PDE10A: variants seen among roughly 807,000 people sequenced by gnomAD.
PDE10A encodes the protein cAMP and cAMP-inhibited cGMP 3',5'-cyclic phosphodiesterase 10A.
Under a neutral mutation model 97.7 loss-of-function variants are expected in PDE10A, and 39 were observed. The observed-to-expected ratio is 0.40, with a 90% CI of 0.31 to 0.52. The LOEUF (loss-of-function observed/expected upper bound fraction) is 0.52, where lower values mean the gene tolerates loss of function less well. Among genes scored for constraint, PDE10A ranks in the 20% least tolerant of loss-of-function variants. The probability of loss-of-function intolerance (pLI) is 0.56; values close to 1 mark genes in which losing one functional copy is unlikely to be tolerated. For synonymous variants in PDE10A, 371 were observed against 376.8 expected (o/e 0.98, Z 0.18); for missense variants, 731 against 1,047.8 (o/e 0.70, Z 4.17).
intron 3 of PDE10A, among the ~76,000 whole-genome samples, chr6:165,471,239 C>T (rs1269334616): frequency 1.3e-5 from 2 of 152,084 alleles, no homozygotes; most frequent in Non-Finnish European, 2.9e-5. Context: ...TCTCTTTCCA[C>T]CTCTTGTGTT....
chr6:165,984,634 C>T (rs1172059283), intron 1 of PDE10A, among the ~76,000 whole-genome samples: 1 of 152,130 alleles, frequency 6.6e-6, no homozygotes, highest in East Asian at 1.9e-4. Context: ...AATTATTTCC[C>T]CCAAAGATGG....
At chr6:165,783,053 C>A (rs1778388318) in intron 1 of PDE10A, among the ~76,000 whole-genome samples, 1 of 152,144 alleles carries the variant, frequency 6.6e-6, no homozygotes, top group South Asian at 2.1e-4. Context: ...ATGTGACTCA[C>A]ATACTCTGTA....
intron 1 of PDE10A, among the ~76,000 whole-genome samples, chr6:165,579,312 C>T (rs1190532380): frequency 6.6e-6 from 1 of 152,158 alleles, no homozygotes; most frequent in Non-Finnish European, 1.5e-5. Flanking sequence ...GCCAGGAATG[C>T]CCATTAGTCA....
chr6:165,442,025 T>C (rs1035752889), intron 5 of PDE10A, among the ~76,000 whole-genome samples: 1 of 152,226 alleles, frequency 6.6e-6, no homozygotes, highest in African/African-American at 2.4e-5. Flanking sequence ...TGTTTTTAGA[T>C]TATTAAACAT....
At chr6:165,384,276 G>C (rs525984) in intron 17 of PDE10A, among the ~76,000 whole-genome samples, 69,503 of 151,480 alleles carry the variant, frequency 0.46, 16,778 homozygotes, top group African/African-American at 0.62. Flanking sequence ...GAGCTGTAGT[G>C]GTCAGAGGGG....
intron 13 of PDE10A, among the ~76,000 whole-genome samples, chr6:165,404,288 G>A (rs1227407112): frequency 6.6e-6 from 1 of 152,234 alleles, no homozygotes. Flanking sequence ...CGCAGGGTGT[G>A]GCTTGAGGCT....
At chr6:165,526,110 C>T (rs1302927990) in intron 2 of PDE10A, among the ~76,000 whole-genome samples, 2 of 152,118 alleles carry the variant, frequency 1.3e-5, no homozygotes, top group Non-Finnish European at 2.9e-5. Context: ...CTCATCCTTC[C>T]CCAAGGAGAC....
intron 1 of PDE10A, among the ~76,000 whole-genome samples, chr6:165,572,046 T>C (rs1013758845): frequency 6.6e-6 from 1 of 152,212 alleles, no homozygotes; most frequent in Non-Finnish European, 1.5e-5. Context: ...TCCGCTTATC[T>C]TTACATCAGA....
At chr6:165,961,158 C>T (rs1488911504) in intron 1 of PDE10A, among the ~76,000 whole-genome samples, 1 of 152,100 alleles carries the variant, frequency 6.6e-6, no homozygotes, top group East Asian at 1.9e-4. Flanking sequence ...GATGCAGTTG[C>T]TGAGAGCCCT....
At chr6:165,360,571 G>C (rs917785651) in intron 18 of PDE10A, among the ~76,000 whole-genome samples, 1 of 152,148 alleles carries the variant, frequency 6.6e-6, no homozygotes, top group African/African-American at 2.4e-5. Flanking sequence ...GGACATGGAT[G>C]GATTTATTGG....
intron 1 of PDE10A, among the ~76,000 whole-genome samples, chr6:165,854,778 C>A (rs553107183): frequency 3.3e-5 from 5 of 152,280 alleles, no homozygotes; most frequent in African/African-American, 9.6e-5. Context: ...CCGGGCAGAG[C>A]GACTGGAGGA....
At chr6:165,400,085 C>T (rs1031591895) in intron 13 of PDE10A, among the ~76,000 whole-genome samples, 7 of 152,174 alleles carry the variant, frequency 4.6e-5, no homozygotes, top group African/African-American at 7.2e-5. Flanking sequence ...AAAGGATAGT[C>T]GATTCAGCAA....
intron 1 of PDE10A, among the ~76,000 whole-genome samples, chr6:165,891,086 C>T (rs1781778900): frequency 6.6e-6 from 1 of 152,148 alleles, no homozygotes; most frequent in Non-Finnish European, 1.5e-5. Context: ...ATTTTGAGCC[C>T]TCTGTGCATT....
At chr6:165,954,961 C>T (rs1037377823) in intron 1 of PDE10A, among the ~76,000 whole-genome samples, 10 of 152,134 alleles carry the variant, frequency 6.6e-5, no homozygotes, top group Non-Finnish European at 1.2e-4. Context: ...ACTCAACAAA[C>T]TCAACGTAGC....
rs142183651 is a variant in PDE10A at position 165,393,574 on chromosome 6, A to C, written c.2304-778T>G. 4.6e-3 allele frequency among the ~76,000 whole-genome samples: 701 copies of C among 152,198 alleles called. 4 individuals carry two copies. Among genetic ancestry groups the C allele is most frequent in the African/African-American group, 0.016 (662 of 41,550 alleles). On this transcript the variant is annotated intron_variant, in intron 15 of 21. Transcript: ENST00000539869. ...GTGTTTTTCTCCACTGAAAATTTTC[A>C]AATGTCTTTGAAGTATAAGGTATGG...
intron 1 of PDE10A, among the ~76,000 whole-genome samples, chr6:165,785,558 G>A (rs1451524941): frequency 4.6e-5 from 7 of 152,118 alleles, no homozygotes; most frequent in African/African-American, 1.2e-4. Context: ...AACCAAATTC[G>A]TATCCACTTG....
chr6:165,448,151 A>C (rs1056806507), intron 5 of PDE10A, among the ~76,000 whole-genome samples: 2 of 152,240 alleles, frequency 1.3e-5, no homozygotes, highest in African/African-American at 4.8e-5. Flanking sequence ...TGCCTAACAC[A>C]TAAGAAATGT....
chr6:165,388,553 A>G lies in PDE10A; in HGVS notation c.2455-100T>C. ...TGTCACATTACTTTCTGGCATTAAT[A>G]TAGCACAAATACAGCATTCTGGCAT... is the stretch of plus-strand genomic sequence containing the variant. On this transcript the variant is annotated intron_variant, in intron 16 of 21. Transcript: ENST00000539869. This position sits in a 1 kb window ranked among gnomAD's most constrained non-coding sequence, Gnocchi z 4.0. 1 of 1,013,492 alleles carries G rather than the reference A, an allele frequency of 9.9e-7. No individual in the cohort carries two copies. Among genetic ancestry groups the G allele is most frequent in the South Asian group, 1.4e-5 (1 of 72,812 alleles). 62.8% of individuals were successfully genotyped at this position (1,013,492 alleles called of 1,614,324 possible).
chr6:165,717,242 C>T (rs947318015), intron 1 of PDE10A, among the ~76,000 whole-genome samples: 1 of 152,206 alleles, frequency 6.6e-6, no homozygotes, highest in Non-Finnish European at 1.5e-5. Flanking sequence ...CACTCCTCCA[C>T]TGAGGGACAC....
Sources: gnomAD v4.1 joint callset for allele counts (sites outside exome capture counted in the v4.1 genomes callset) on GRCh38, gnomAD v4.1.1 for gene constraint, Gnocchi (gnomAD v3.1) non-coding constraint, MANE v1.5 for transcripts, NCBI Gene and HGNC (gene_info 2026-07-23, HGNC 2026-07-21) for gene names.